The following ADAM12 variants were observed in gnomAD, a reference collection of about 807,000 sequenced individuals.
ADAM12 encodes the protein disintegrin and metalloproteinase domain-containing protein 12.
A neutral mutation model predicts 106.4 loss-of-function variants in ADAM12; 70 were observed. The ratio of observed to expected loss-of-function variants is 0.66; its 90% confidence interval spans 0.54 to 0.80. The LOEUF is 0.80. Ranked by LOEUF, ADAM12 falls within the 30% of genes least tolerant of loss-of-function variation. The pLI is 0.00. For synonymous variants in ADAM12, 420 were observed against 433.5 expected (o/e 0.97, Z 0.39); for missense variants, 1,010 against 1,171.9 (o/e 0.86, Z 2.02).
chr10:126,041,359 CTATTT>C (rs1278119952), intron 18 of ADAM12: 1 of 985,794 alleles, frequency 1.0e-6, no homozygotes, highest in Non-Finnish European at 1.2e-6. Context: ...CAAATGCACT[CTATTT>C]TATGCAGTAA....
chr10:126,082,363 GTTTTTTTTT>G lies in ADAM12; in HGVS notation c.1146-10718_1146-10710del, dbSNP rs5788763. 1.6e-3 allele frequency among the ~76,000 whole-genome samples: 127 copies of G among 80,780 alleles called. 1 individual carries two copies. Among genetic ancestry groups the G allele is most frequent in the African/African-American group, 6.5e-3 (121 of 18,716 alleles). 53.0% of individuals were successfully genotyped at this position (80,780 alleles called of 152,430 possible). On this transcript the variant is annotated intron_variant, in intron 11 of 22. Transcript: ENST00000448723. ...CTCTGGAGAAGACAATCTAATGACT[GTTTTTTTTT>G]TTTTTTTTTTTTTTTATGTGGAGTT... is the stretch of plus-strand genomic sequence containing the variant.
chr10:126,369,478 A>G (rs149015665), intron 1 of ADAM12, among the ~76,000 whole-genome samples: 8 of 152,342 alleles, frequency 5.3e-5, no homozygotes, highest in Non-Finnish European at 1.2e-4. Context: ...GGGAAGGACC[A>G]AGAACCGGCT....
intron 14 of ADAM12, among the ~76,000 whole-genome samples, chr10:126,054,822 C>A (rs1246159045): frequency 6.6e-6 from 1 of 152,118 alleles, no homozygotes; most frequent in Non-Finnish European, 1.5e-5. Context: ...TGAAGACCAC[C>A]TTGGACTGTG....
At chr10:126,188,020 A>C (rs1313039973) in intron 3 of ADAM12, among the ~76,000 whole-genome samples, 1 of 152,162 alleles carries the variant, frequency 6.6e-6, no homozygotes, top group Non-Finnish European at 1.5e-5. Flanking sequence ...GAGGAAGTGC[A>C]GGTTCCCAGG....
At chr10:126,038,861 C>CAA (rs1281388785) in intron 19 of ADAM12, among the ~76,000 whole-genome samples, 1 of 151,362 alleles carries the variant, frequency 6.6e-6, no homozygotes, top group East Asian at 1.9e-4. Context: ...AAAAAAGAAC[C>CAA]AAGTCCCAGG....
intron 1 of ADAM12, 134 bp downstream of exon 1, chr10:126,387,924 G>C: frequency 1.8e-6 from 2 of 1,092,436 alleles, no homozygotes; most frequent in Non-Finnish European, 2.3e-6. Context: ...CGCTGGAAGC[G>C]CAAGCCCCGG....
At chr10:126,107,148 T>C (rs749859459) in intron 8 of ADAM12, among the ~76,000 whole-genome samples, 7 of 152,156 alleles carry the variant, frequency 4.6e-5, no homozygotes, top group East Asian at 1.9e-4. Flanking sequence ...TACATGTACA[T>C]GAAGCACATA....
At chr10:126,381,432 G>C (rs1856487560) in intron 1 of ADAM12, among the ~76,000 whole-genome samples, 1 of 152,028 alleles carries the variant, frequency 6.6e-6, no homozygotes, top group African/African-American at 2.4e-5. Context: ...GAGCCCAGGA[G>C]TTCAAGACCA....
chr10:126,019,943 C>T (rs1374729696), intron 21 of ADAM12, 118 bp from the exon 22 acceptor site: 3 of 1,240,004 alleles, frequency 2.4e-6, no homozygotes, highest in Non-Finnish European at 3.3e-6. Context: ...TGTCACCATA[C>T]AAGGTGGGTG....
intron 3 of ADAM12, among the ~76,000 whole-genome samples, chr10:126,189,741 T>C (rs1354179575): frequency 6.6e-6 from 1 of 152,058 alleles, no homozygotes; most frequent in African/African-American, 2.4e-5. Context: ...GAGCCCATGC[T>C]TTAAGCCCCA....
At chr10:126,122,706 A>C (rs1956136955) in intron 5 of ADAM12, among the ~76,000 whole-genome samples, 1 of 152,198 alleles carries the variant, frequency 6.6e-6, no homozygotes, top group South Asian at 2.1e-4. Flanking sequence ...GGTTGCAGTG[A>C]GCCGAGATGT....
chr10:126,107,728 G>T (rs1246566801), intron 8 of ADAM12, among the ~76,000 whole-genome samples: 1 of 152,170 alleles, frequency 6.6e-6, no homozygotes, highest in East Asian at 1.9e-4. Flanking sequence ...CATGAGAATT[G>T]CTGGGGAGCT....
At chr10:126,117,932 T>C in intron 6 of ADAM12, 106 bp downstream of exon 6, 2 of 1,309,208 alleles carry the variant, frequency 1.5e-6, no homozygotes, top group Non-Finnish European at 2.2e-6. Flanking sequence ...ATCCCCCAGA[T>C]GCCGCATCAT....
At chr10:126,325,422 T>C (rs1305388875) in intron 2 of ADAM12, among the ~76,000 whole-genome samples, 1 of 152,194 alleles carries the variant, frequency 6.6e-6, no homozygotes, top group Admixed American at 6.5e-5. Context: ...GGGATGGTTA[T>C]TGGAGGGGAG....
At chr10:126,036,880 A>G (rs1377493365) in intron 20 of ADAM12, among the ~76,000 whole-genome samples, 2 of 152,170 alleles carry the variant, frequency 1.3e-5, no homozygotes, top group African/African-American at 4.8e-5. Flanking sequence ...CTCTCTTTCT[A>G]AAAACAGCTT....
chr10:126,320,540 T>C (rs1199202323), intron 2 of ADAM12, among the ~76,000 whole-genome samples: 2 of 152,230 alleles, frequency 1.3e-5, no homozygotes, highest in African/African-American at 4.8e-5. Flanking sequence ...CAACTACTTA[T>C]TGAGTGATTA....
chr10:126,218,458 T>A (rs1335456090), intron 3 of ADAM12, among the ~76,000 whole-genome samples: 1 of 152,174 alleles, frequency 6.6e-6, no homozygotes, highest in Non-Finnish European at 1.5e-5. Context: ...TGCTATGCAT[T>A]GACTTTTCTG....
intron 3 of ADAM12, among the ~76,000 whole-genome samples, chr10:126,202,764 C>T (rs1037005617): frequency 6.6e-6 from 1 of 152,120 alleles, no homozygotes; most frequent in African/African-American, 2.4e-5. Context: ...CTCTGAGTGT[C>T]TACAGAACTC....
chr10:126,220,106 T>C (rs970863819), intron 3 of ADAM12, among the ~76,000 whole-genome samples: 12 of 152,234 alleles, frequency 7.9e-5, no homozygotes, highest in African/African-American at 2.9e-4. Context: ...GGATGACACA[T>C]GCCCACAGGG....
Sources: allele counts gnomAD v4.1 joint callset (sites outside exome capture counted in the v4.1 genomes callset), GRCh38; gene constraint gnomAD v4.1.1; transcripts MANE v1.5; gene names NCBI Gene and HGNC (gene_info 2026-07-23, HGNC 2026-07-21).